The following PCDH15 variants were observed in gnomAD, a reference collection of about 807,000 sequenced individuals.
The protein encoded by PCDH15 is protocadherin-15.
Under a neutral mutation model 178.5 loss-of-function variants are expected in PCDH15, and 129 were observed. That is an observed-to-expected ratio of 0.72 (90% confidence interval 0.63 to 0.84). PCDH15 has a LOEUF of 0.84. Ranked by LOEUF, PCDH15 falls within the 40% of genes least tolerant of loss-of-function variation. The pLI, the probability that PCDH15 is intolerant of heterozygous loss-of-function variation, is 0.00. For missense variants in PCDH15, 2,230 were observed against 2,099.9 expected, an observed-to-expected ratio of 1.06 and a Z score of -1.21; for synonymous variants, 800 against 732.0, an observed-to-expected ratio of 1.09 and a Z score of -1.50.
In PCDH15 at chr10:55,443,907, G is replaced by A. The variant is rs192145694; in HGVS notation, c.-156+183718C>T. On this transcript the variant is annotated intron_variant, in intron 2 of 5. Transcript: ENST00000613346. ...CCAAAATGCCCATCAATGTCAGGCTGGATAAAGAAAATGTGGCACACATAA... is the reference window on the plus strand; with the variant it reads ...CCAAAATGCCCATCAATGTCAGGCTAGATAAAGAAAATGTGGCACACATAA... 3.0e-3 allele frequency among the ~76,000 whole-genome samples: 453 copies of A among 152,144 alleles called. 1 individual carries two copies. Among genetic ancestry groups the A allele is most frequent in the African/African-American group, 0.01 (434 of 41,492 alleles).
intron 2 of PCDH15, among the ~76,000 whole-genome samples, chr10:55,415,269 AAT>A (rs1838450946): frequency 6.6e-6 from 1 of 151,560 alleles, no homozygotes; most frequent in South Asian, 2.1e-4. Flanking sequence ...TTCTTGTTGC[AAT>A]ATGTTCTTTA....
At chr10:55,038,388 T>A (rs370646311) in intron 2 of PCDH15, among the ~76,000 whole-genome samples, 1 of 152,184 alleles carries the variant, frequency 6.6e-6, no homozygotes. Context: ...TATTTTGATT[T>A]AAAATGCAAT....
chr10:55,544,705 G>A (rs930792225), intron 2 of PCDH15, among the ~76,000 whole-genome samples: 2 of 150,644 alleles, frequency 1.3e-5, no homozygotes, highest in African/African-American at 4.8e-5. Flanking sequence ...TGGTTGAAAG[G>A]GTATCACAGA....
chr10:54,885,246 T>A (rs1250938953), intron 3 of PCDH15, among the ~76,000 whole-genome samples: 1 of 152,040 alleles, frequency 6.6e-6, no homozygotes, highest in Non-Finnish European at 1.5e-5. Flanking sequence ...AATTTCATAT[T>A]TGCAAGGGCT....
chr10:54,049,643 C>A (rs577542580), intron 18 of PCDH15, among the ~76,000 whole-genome samples: 2 of 147,944 alleles, frequency 1.4e-5, no homozygotes, highest in African/African-American at 2.5e-5. Flanking sequence ...TTTTTTGAGA[C>A]GGAGTCTCGC....
intron 2 of PCDH15, among the ~76,000 whole-genome samples, chr10:55,516,572 A>C (rs1199118314): frequency 6.6e-6 from 1 of 152,162 alleles, no homozygotes; most frequent in Non-Finnish European, 1.5e-5. Flanking sequence ...GAAGACACTT[A>C]AAAGCATTTT....
chr10:54,997,503 T>A (rs1201057618), intron 2 of PCDH15, among the ~76,000 whole-genome samples: 1 of 152,180 alleles, frequency 6.6e-6, no homozygotes, highest in Non-Finnish European at 1.5e-5. Flanking sequence ...GGGTTTTATA[T>A]TTGTCTTTGC....
intron 28 of PCDH15, 150 bp from the exon 29 acceptor site, chr10:53,840,646 C>T: frequency 1.3e-6 from 1 of 774,186 alleles, no homozygotes; most frequent in Non-Finnish European, 2.1e-6. Flanking sequence ...CCTTGAAAAA[C>T]ATTCTCTATA....
chr10:55,547,396 T>C (rs1246061602), intron 2 of PCDH15, among the ~76,000 whole-genome samples: 1 of 152,090 alleles, frequency 6.6e-6, no homozygotes, highest in Non-Finnish European at 1.5e-5. Context: ...GAGAGGTAAT[T>C]GTTCTGACAT....
intron 2 of PCDH15, among the ~76,000 whole-genome samples, chr10:55,074,229 G>C (rs1439357492): frequency 3.9e-5 from 6 of 152,138 alleles, no homozygotes; most frequent in Non-Finnish European, 8.8e-5. Flanking sequence ...TATATACCCA[G>C]TAATGGGATT....
At chr10:54,891,489 G>A (rs1208018981) in intron 3 of PCDH15, among the ~76,000 whole-genome samples, 2 of 152,070 alleles carry the variant, frequency 1.3e-5, no homozygotes, top group Admixed American at 6.6e-5. Flanking sequence ...TCTTCTTCTA[G>A]CCTACAACAT....
At chr10:54,515,000 C>T (rs1458894038) in intron 3 of PCDH15, among the ~76,000 whole-genome samples, 1 of 152,162 alleles carries the variant, frequency 6.6e-6, no homozygotes, top group Non-Finnish European at 1.5e-5. Flanking sequence ...GGGATGGAGC[C>T]AAGATGGCCG....
intron 2 of PCDH15, among the ~76,000 whole-genome samples, chr10:54,917,151 G>A (rs576175278): frequency 6.6e-6 from 1 of 152,116 alleles, no homozygotes; most frequent in African/African-American, 2.4e-5. Context: ...AAATGCATTT[G>A]GCTAGAACAT....
chr10:54,556,335 T>C (rs572936871), intron 2 of PCDH15, among the ~76,000 whole-genome samples: 1 of 151,798 alleles, frequency 6.6e-6, no homozygotes, highest in South Asian at 2.1e-4. Context: ...CCAGGTACCT[T>C]ATACAAGTCT....
At chr10:54,273,074 CACTG>C (rs1244831689) in intron 8 of PCDH15, among the ~76,000 whole-genome samples, 6 of 152,000 alleles carry the variant, frequency 3.9e-5, no homozygotes, top group East Asian at 1.9e-4. Context: ...AACTGTTTTA[CACTG>C]ACTATGTTTT....
intron 20 of PCDH15, among the ~76,000 whole-genome samples, chr10:54,015,828 C>T (rs1050192495): frequency 6.6e-6 from 1 of 152,118 alleles, no homozygotes; most frequent in Admixed American, 6.6e-5. Flanking sequence ...TCATTCTGGA[C>T]ATAAGCCCTG....
intron 1 of PCDH15, among the ~76,000 whole-genome samples, chr10:55,176,173 C>T (rs1037748172): frequency 6.6e-6 from 1 of 152,110 alleles, no homozygotes; most frequent in African/African-American, 2.4e-5. Context: ...CTGTTCTCCT[C>T]TCCAATCCAG....
At chr10:54,344,965 TG>T (rs202182080) in intron 6 of PCDH15, among the ~76,000 whole-genome samples, 2 of 126,060 alleles carry the variant, frequency 1.6e-5, no homozygotes, top group African/African-American at 3.2e-5. Flanking sequence ...GCTAATAAAA[TG>T]TATATATATA....
intron 8 of PCDH15, among the ~76,000 whole-genome samples, chr10:54,248,256 G>A (rs977359597): frequency 2.6e-5 from 4 of 151,814 alleles, no homozygotes; most frequent in African/African-American, 9.7e-5. Context: ...TTAACTTGAA[G>A]CCAAGCTTCA....
Sources: gnomAD v4.1 joint callset for allele counts (sites outside exome capture counted in the v4.1 genomes callset) on GRCh38, gnomAD v4.1.1 for gene constraint, MANE v1.5 for transcripts, NCBI Gene and HGNC (gene_info 2026-07-23, HGNC 2026-07-21) for gene names.